LYPLAL1: variants seen among roughly 807,000 people sequenced by gnomAD.
The protein encoded by LYPLAL1 is lysophospholipase like 1.
LYPLAL1 carries 23 observed loss-of-function variants against 19.7 expected under a neutral mutation model. The observed-to-expected ratio is 1.17, with a 90% CI of 0.84 to 1.65. LYPLAL1 has a LOEUF of 1.65. Among genes scored for constraint, LYPLAL1 ranks in the 40% most tolerant of loss-of-function variants. The pLI, the probability that LYPLAL1 is intolerant of heterozygous loss-of-function variation, is 0.00. For missense variants in LYPLAL1, 355 were observed against 279.4 expected (o/e 1.27, Z -1.93); for synonymous variants, 119 against 96.3 (o/e 1.24, Z -1.38).
At chr1:219,283,629 T>C in the LYPLAL1 span, among the ~76,000 whole-genome samples, 2 of 152,162 alleles carry the variant, frequency 1.3e-5, no homozygotes, top group African/African-American at 2.4e-5. Context: ...AAAAGAGATA[T>C]CATAGTGACT....
the LYPLAL1 span, among the ~76,000 whole-genome samples, chr1:219,356,668 G>A: frequency 2.0e-5 from 3 of 152,276 alleles, no homozygotes; most frequent in South Asian, 6.2e-4. Flanking sequence ...ACAAAGATTT[G>A]TAGTCTTGGT....
the LYPLAL1 span, among the ~76,000 whole-genome samples, chr1:219,376,163 A>G: frequency 1.7e-3 from 260 of 152,298 alleles, no homozygotes; most frequent in Non-Finnish European, 3.0e-3. Flanking sequence ...CCAGTGAAAT[A>G]AAGCAGAGAG....
the LYPLAL1 span, among the ~76,000 whole-genome samples, chr1:219,439,979 A>G: frequency 4.6e-5 from 3 of 65,498 alleles, no homozygotes; most frequent in African/African-American, 1.8e-4. Context: ...ATATACATAT[A>G]TATATATATA....
chr1:219,210,068 G>A (rs17049158), intron 3 of LYPLAL1, among the ~76,000 whole-genome samples: 2,843 of 151,912 alleles, frequency 0.019, 46 homozygotes, highest in Non-Finnish European at 0.03. Flanking sequence ...TCTTAATTCA[G>A]AATTCACTAA....
the LYPLAL1 span, among the ~76,000 whole-genome samples, chr1:219,374,157 G>A: frequency 6.7e-6 from 1 of 150,302 alleles, no homozygotes; most frequent in South Asian, 2.1e-4. Flanking sequence ...TTTTTGGTGG[G>A]GGCGGTATGG....
At chr1:219,377,355 T>A in the LYPLAL1 span, among the ~76,000 whole-genome samples, 2 of 152,174 alleles carry the variant, frequency 1.3e-5, no homozygotes, top group African/African-American at 4.8e-5. Flanking sequence ...GGGGAGTTAG[T>A]GTTTAATGGG....
chr1:219,352,947 G>C, the LYPLAL1 span, among the ~76,000 whole-genome samples: 1 of 152,258 alleles, frequency 6.6e-6, no homozygotes, highest in African/African-American at 2.4e-5. Context: ...ATTTTCTATA[G>C]TGTCAAAACT....
At chr1:219,406,923 C>G in the LYPLAL1 span, among the ~76,000 whole-genome samples, 1 of 152,158 alleles carries the variant, frequency 6.6e-6, no homozygotes, top group Non-Finnish European at 1.5e-5. Flanking sequence ...GATCTTAACT[C>G]AAAGAGTACC....
intron 3 of LYPLAL1, among the ~76,000 whole-genome samples, chr1:219,207,699 G>A (rs1406513760): frequency 6.6e-6 from 1 of 151,992 alleles, no homozygotes; most frequent in Non-Finnish European, 1.5e-5. Flanking sequence ...AAGTCTTTAT[G>A]TCCCAGAATT....
At chr1:219,232,215 G>T in the LYPLAL1 span, among the ~76,000 whole-genome samples, 1 of 152,122 alleles carries the variant, frequency 6.6e-6, no homozygotes, top group African/African-American at 2.4e-5. Context: ...ATAGATTTGA[G>T]ACCCCCAAAC....
At chr1:219,183,726 G>A (rs1171369878) in intron 2 of LYPLAL1, among the ~76,000 whole-genome samples, 2 of 151,552 alleles carry the variant, frequency 1.3e-5, no homozygotes, top group Non-Finnish European at 3.0e-5. Flanking sequence ...TATTCAAATT[G>A]GTATTTTTGG....
Position 219,210,578 on chromosome 1 carries a change from A to G in LYPLAL1, c.408A>G (p.Arg136=), listed in dbSNP as rs772299394. Residue 136 remains arginine, a synonymous_variant, in exon 4 of 5, where the codon AGA becomes AGG. Transcript: ENST00000366928. ...GCATGGCAATACATTTAGCATATAG[A>G]AATCATCAAGATGTGGCAGGAGTAT... ...GGCMAIHLAY[R]NHQDVAGVFA... 1.3e-5 allele frequency: 21 copies of G among 1,610,468 alleles called. 1 individual carries two copies. The Admixed American group carries it at 3.3e-4, about 26-fold the overall frequency.
chr1:219,332,989 A>G, the LYPLAL1 span, among the ~76,000 whole-genome samples: 9 of 151,832 alleles, frequency 5.9e-5, no homozygotes, highest in Admixed American at 5.3e-4. Flanking sequence ...GCTGTTCCCC[A>G]CTTTTAAAGG....
chr1:219,229,337 G>GAGAC, the LYPLAL1 span, among the ~76,000 whole-genome samples: 3 of 129,990 alleles, frequency 2.3e-5, no homozygotes, highest in Admixed American at 7.7e-5. Context: ...GAGAGAGAGA[G>GAGAC]ACACGCAGGC....
chr1:219,235,165 A>G, the LYPLAL1 span, among the ~76,000 whole-genome samples: 1 of 152,192 alleles, frequency 6.6e-6, no homozygotes, highest in Non-Finnish European at 1.5e-5. Flanking sequence ...TGCAGAACAC[A>G]TGCTTTGAGA....
At chr1:219,180,446 A>G (rs1223565973) in intron 2 of LYPLAL1, among the ~76,000 whole-genome samples, 1 of 152,054 alleles carries the variant, frequency 6.6e-6, no homozygotes, top group Non-Finnish European at 1.5e-5. Flanking sequence ...AAAAAGGGAG[A>G]ACAAAATGAT....
At chr1:219,213,806 A>G (rs61836075), downstream of LYPLAL1, among the ~76,000 whole-genome samples, 23,499 of 151,994 alleles carry the variant, frequency 0.15, 2,298 homozygotes, top group Non-Finnish European at 0.21. Context: ...GATTTTTAGG[A>G]TAGTCTGCAA....
At chr1:219,428,547 A>G in the LYPLAL1 span, among the ~76,000 whole-genome samples, 1 of 152,324 alleles carries the variant, frequency 6.6e-6, no homozygotes, top group East Asian at 1.9e-4. Flanking sequence ...TGCAATCTAC[A>G]AAACCCAGCC....
chr1:219,180,006 T>A (rs1332821880), intron 2 of LYPLAL1, among the ~76,000 whole-genome samples: 1 of 152,198 alleles, frequency 6.6e-6, no homozygotes, highest in Non-Finnish European at 1.5e-5. Flanking sequence ...CTTCTTTTTT[T>A]ATTTTTTCCA....
Sources: gnomAD v4.1 joint callset for allele counts (sites outside exome capture counted in the v4.1 genomes callset) on GRCh38, gnomAD v4.1.1 for gene constraint, MANE v1.5 for transcripts, NCBI Gene and HGNC (gene_info 2026-07-23, HGNC 2026-07-21) for gene names.